The following ACOT11 variants were observed in gnomAD, a reference collection of about 807,000 sequenced individuals.
ACOT11 encodes the protein acyl-CoA thioesterase 11, also known as acyl-coenzyme A thioesterase 11.
A neutral mutation model predicts 77.5 loss-of-function variants in ACOT11; 69 were observed. That is an observed-to-expected ratio of 0.89 (90% CI 0.73 to 1.09). The LOEUF is 1.09. Among genes scored for constraint, ACOT11 ranks in the 50% least tolerant of loss-of-function variants. The pLI is 0.00. For missense variants in ACOT11, 766 were observed against 813.7 expected (o/e 0.94, Z 0.71); for synonymous variants, 279 against 313.0 (o/e 0.89, Z 1.15).
Position 54,548,284 on chromosome 1 carries a change from G to T in ACOT11, c.-26G>T, listed in dbSNP as rs112383115. ...GACCAGCTTGTGTCTCTGGGAGGGC[G>T]CTGCTTTCCCCGGCCACCCGGCGCG... On this transcript the variant is annotated 5_prime_UTR_variant, in exon 1 of 16. Transcript: ENST00000343744. 5.0e-6 allele frequency: 8 copies of T among 1,586,006 alleles called. No individual in the cohort carries two copies.
rs1654413066 is a variant in ACOT11, at chr1:54,584,031, G to A, written c.34-624G>A. On this transcript the variant is annotated intron_variant, in intron 1 of 15. Transcript: ENST00000343744. The surrounding 1 kb of genome is among the most constrained non-coding windows in gnomAD (Gnocchi z 6.3). ...ATTAGTTGGAGAATTTTCTCAGCCA[G>A]TTTTCCAGCTGGCAGCTGTTGTACC... Among the ~76,000 whole-genome samples, 1 of 152,144 alleles carries A rather than the reference G, an allele frequency of 6.6e-6. No homozygotes were observed. The highest frequency in any genetic ancestry group is 2.4e-5 in the African/African-American group (1 of 41,428).
At chr1:54,631,880 C>T (rs2101034228) in intron 16 of ACOT11, among the ~76,000 whole-genome samples, 1 of 152,320 alleles carries the variant, frequency 6.6e-6, no homozygotes, top group Admixed American at 6.5e-5. Flanking sequence ...GCTCTGCGAC[C>T]TATCAGAGGG....
At chr1:54,585,168 C>T (rs1422999019) in intron 2 of ACOT11, among the ~76,000 whole-genome samples, 1 of 152,202 alleles carries the variant, frequency 6.6e-6, no homozygotes, top group Non-Finnish European at 1.5e-5. Flanking sequence ...TGAGCAAAGC[C>T]CCTGACTGCC....
chr1:54,620,049 C>T lies in ACOT11; in HGVS notation c.1630-10685C>T, dbSNP rs200525972. On this transcript the variant is annotated intron_variant, in intron 15 of 16. Coordinates refer to the ACOT11 transcript ENST00000371316. ...GGGGCTGTTAGCGTCTGTCCTCGCC[C>T]CAGCCCAAGACTCATGTTCGTTCAT... 4.6e-5 allele frequency: 73 copies of T among 1,601,726 alleles called. 1 individual carries two copies. The African/African-American group carries it at 9.1e-4, about 20-fold the overall frequency.
chr1:54,571,254 C>T (rs190693598), intron 1 of ACOT11, among the ~76,000 whole-genome samples: 33 of 152,234 alleles, frequency 2.2e-4, no homozygotes, highest in African/African-American at 7.5e-4. Context: ...CTTTGCCAGC[C>T]CCCATGCCTT....
At chr1:54,566,986 A>G (rs1010382605) in intron 1 of ACOT11, among the ~76,000 whole-genome samples, 1 of 152,178 alleles carries the variant, frequency 6.6e-6, no homozygotes, top group African/African-American at 2.4e-5. Flanking sequence ...CTACCTTTGA[A>G]TGGGAGGAGT....
At chr1:54,553,367 T>C (rs1653139826) in intron 1 of ACOT11, among the ~76,000 whole-genome samples, 1 of 151,106 alleles carries the variant, frequency 6.6e-6, no homozygotes, top group South Asian at 2.1e-4. Flanking sequence ...AATACAAAAA[T>C]AAGCTGGATG....
At chr1:54,604,068 A>G in intron 11 of ACOT11, 131 bp downstream of exon 11, 1 of 853,104 alleles carries the variant, frequency 1.2e-6, no homozygotes, top group Non-Finnish European at 1.9e-6. Context: ...GATTGCTACC[A>G]TTAGCAAAGA....
chr1:54,615,032 C>T (rs759004387), downstream of ACOT11, among the ~76,000 whole-genome samples: 4 of 151,922 alleles, frequency 2.6e-5, no homozygotes, highest in Admixed American at 2.0e-4. Context: ...GAAGGCCTTT[C>T]GAAGAGACAG....
intron 15 of ACOT11, among the ~76,000 whole-genome samples, chr1:54,623,921 T>G (rs955589013): frequency 1.3e-5 from 2 of 152,218 alleles, no homozygotes; most frequent in Middle Eastern, 3.4e-3. Context: ...CAGGCAAGGG[T>G]GGTGACAAAG....
At chr1:54,636,572 AGAGAC>A (rs1644331655) in exon 17 of ACOT11, 1 of 152,210 alleles carries the variant, frequency 6.6e-6, no homozygotes. Flanking sequence ...TCCATTGCCC[AGAGAC>A]GAGCAGGAGA....
At chr1:54,597,689 T>C (rs773298371) in intron 7 of ACOT11, 4 of 484,972 alleles carry the variant, frequency 8.2e-6, no homozygotes, top group Non-Finnish European at 1.5e-5. Context: ...CTAGTATCTA[T>C]GTTCCCTTCA....
In ACOT11 at chr1:54,554,352, T is replaced by TATATATATATATA. The variant is rs536616509; in HGVS notation, c.33+6010_33+6011insATATATATATATA. Among the ~76,000 whole-genome samples the TATATATATATATA allele has an allele frequency of 5.2e-3, 240 of 46,334 alleles. 1 individual carries two copies. The highest frequency in any genetic ancestry group is 0.01 in the Non-Finnish European group (213 of 20,708). 30.4% of individuals were successfully genotyped at this position (46,334 alleles called of 152,430 possible). A position where few individuals can be genotyped will look rare whatever the true frequency, so the allele number is the denominator to read the frequency against. ...GTGTGTGTATATATATATATATATA[T>TATATATATATATA]TTTTTTTTTTTTTTTTTGAGATGGA... On this transcript the variant is annotated intron_variant, in intron 1 of 15. Transcript: ENST00000343744.
At chr1:54,591,572 G>A (rs971736678) in intron 3 of ACOT11, among the ~76,000 whole-genome samples, 1 of 152,224 alleles carries the variant, frequency 6.6e-6, no homozygotes, top group African/African-American at 2.4e-5. Context: ...GAAGTGAAAG[G>A]ACCTGCTGGA....
chr1:54,589,960 C>T (rs770026817), intron 3 of ACOT11, among the ~76,000 whole-genome samples: 8 of 152,124 alleles, frequency 5.3e-5, no homozygotes, highest in African/African-American at 9.6e-5. Context: ...TGGTGGCAAG[C>T]GCCTGTAGTC....
chr1:54,549,380 T>C (rs1652984836), intron 1 of ACOT11, among the ~76,000 whole-genome samples: 1 of 152,180 alleles, frequency 6.6e-6, no homozygotes, highest in Non-Finnish European at 1.5e-5. Flanking sequence ...CTGTCCCTGC[T>C]TCAGCCATAG....
chr1:54,620,082 C>A, intron 15 of ACOT11: 1 of 1,504,534 alleles, frequency 6.6e-7, no homozygotes, highest in Non-Finnish European at 9.0e-7. Flanking sequence ...CATCCCATGA[C>A]CCTCCCTGGG....
chr1:54,591,163 C>A (rs74884295), intron 3 of ACOT11, among the ~76,000 whole-genome samples: 4,198 of 152,278 alleles, frequency 0.028, 77 homozygotes, highest in Non-Finnish European at 0.046. Flanking sequence ...CCTCCGTGAC[C>A]ATTAGTATTA....
chr1:54,582,425 C>G (rs12563368), intron 1 of ACOT11: 28,682 of 985,284 alleles, frequency 0.029, 658 homozygotes, highest in East Asian at 0.18. Flanking sequence ...TATTCTCTAT[C>G]TTTGCCCAGG....
Sources: allele counts gnomAD v4.1 joint callset (sites outside exome capture counted in the v4.1 genomes callset), GRCh38; gene constraint gnomAD v4.1.1; non-coding constraint Gnocchi (gnomAD v3.1); transcripts MANE v1.5; gene names NCBI Gene and HGNC (gene_info 2026-07-23, HGNC 2026-07-21).